The following GPR89B variants were observed in gnomAD, a reference collection of about 807,000 sequenced individuals.
GPR89B encodes the protein golgi pH regulator B.
In GPR89B, 25 loss-of-function variants were observed where a neutral mutation model predicts 52.4. That is an observed-to-expected ratio of 0.48 (90% CI 0.35 to 0.67). The LOEUF is 0.67. Among genes scored for constraint, GPR89B ranks in the 30% least tolerant of loss-of-function variants. GPR89B has a pLI of 0.01. For missense variants in GPR89B, 146 were observed against 450.2 expected, an observed-to-expected ratio of 0.32 and a Z score of 6.11; for synonymous variants, 52 against 151.2, an observed-to-expected ratio of 0.34 and a Z score of 4.81.
chr1:147,950,101 G>T (rs1242500356), intron 5 of GPR89B, among the ~76,000 whole-genome samples: 2 of 151,536 alleles, frequency 1.3e-5, no homozygotes, highest in Admixed American at 6.6e-5. Context: ...CCCGGACGGG[G>T]TGGCTGCCGG....
At chr1:147,936,861 G>T (rs28753955) in intron 2 of GPR89B, among the ~76,000 whole-genome samples, 175 bp downstream of exon 2, 1 of 152,008 alleles carries the variant, frequency 6.6e-6, no homozygotes, top group Non-Finnish European at 1.5e-5. Context: ...TAAAAGGGGG[G>T]AAAAAAGGCA....
intron 7 of GPR89B, among the ~76,000 whole-genome samples, chr1:147,963,262 A>G (rs1656755978): frequency 1.3e-5 from 2 of 150,274 alleles, no homozygotes; most frequent in Admixed American, 6.6e-5. Flanking sequence ...TGTAATCCCA[A>G]CTACTCGGGA....
intron 10 of GPR89B, among the ~76,000 whole-genome samples, chr1:147,983,572 A>C (rs1275383111): frequency 6.6e-6 from 1 of 152,228 alleles, no homozygotes; most frequent in African/African-American, 2.4e-5. Context: ...AAACACAAGA[A>C]AAAATGCTCA....
At chr1:147,981,716 G>C (rs1417457524) in intron 10 of GPR89B, among the ~76,000 whole-genome samples, 1 of 149,642 alleles carries the variant, frequency 6.7e-6, no homozygotes, top group African/African-American at 2.5e-5. Flanking sequence ...GCAGTGGGGT[G>C]ATCTCAGCTC....
chr1:148,009,227 C>G, the GPR89B span: 1,623 of 1,185,806 alleles, frequency 1.4e-3, 16 homozygotes, highest in African/African-American at 0.022. Flanking sequence ...TGCAAGCTAT[C>G]TATAGCAACT....
At chr1:147,938,267 G>A (rs587775646) in intron 2 of GPR89B, among the ~76,000 whole-genome samples, 6 of 152,038 alleles carry the variant, frequency 3.9e-5, no homozygotes, top group Middle Eastern at 3.4e-3. Context: ...CTTTCCCAGG[G>A]AGTTTATTGT....
Position 147,928,672 on chromosome 1 carries a change from G to T in GPR89B, c.42+94G>T, listed in dbSNP as rs587617264. On this transcript the variant is annotated intron_variant, in intron 1 of 13. Transcript: ENST00000314163. ...GCGGTGCGGGCTGGTCCGGGGTCTC[G>T]CTCCTCTCTTACGCGGCCTGCGCCA... The T allele has an allele frequency of 7.3e-4, 1,117 of 1,539,276 alleles. 10 individuals are homozygous for T. The African/African-American group carries it at 0.013, about 18-fold the overall frequency.
chr1:148,005,873 T>G, the GPR89B span, among the ~76,000 whole-genome samples: 1 of 152,036 alleles, frequency 6.6e-6, no homozygotes, highest in Non-Finnish European at 1.5e-5. Flanking sequence ...AATTCCAATG[T>G]ACCAACAAAC....
At chr1:148,010,032 G>T in the GPR89B span, 1 of 147,280 alleles carries the variant, frequency 6.8e-6, no homozygotes, top group Non-Finnish European at 1.4e-5. Context: ...GTTCCATGTA[G>T]TATAACCTCT....
intron 11 of GPR89B, 135 bp downstream of exon 11, chr1:147,986,429 G>A (rs1163775254): frequency 7.0e-5 from 48 of 685,286 alleles, no homozygotes; most frequent in African/African-American, 5.6e-4. Flanking sequence ...ATATTTTGAC[G>A]TATTCACATG....
chr1:148,000,618 C>T, the GPR89B span, among the ~76,000 whole-genome samples: 1 of 149,614 alleles, frequency 6.7e-6, no homozygotes, highest in Non-Finnish European at 1.5e-5. Flanking sequence ...CATATTCCCC[C>T]CTCTGTACCG....
At chr1:147,981,071 C>G (rs1423187858) in intron 10 of GPR89B, among the ~76,000 whole-genome samples, 1 of 151,598 alleles carries the variant, frequency 6.6e-6, no homozygotes, top group Non-Finnish European at 1.5e-5. Flanking sequence ...AGTATATATT[C>G]TTTTTCATAG....
At chr1:148,021,843 A>T in the GPR89B span, 1 of 148,106 alleles carries the variant, frequency 6.8e-6, no homozygotes, top group Non-Finnish European at 1.5e-5. Flanking sequence ...AGGCCTGAGG[A>T]GGACACTCTG....
At chr1:147,976,153 A>G (rs1462943525) in intron 10 of GPR89B, among the ~76,000 whole-genome samples, 1 of 152,142 alleles carries the variant, frequency 6.6e-6, no homozygotes, top group Non-Finnish European at 1.5e-5. Flanking sequence ...AGAGTTCTGT[A>G]GATATCTATC....
the GPR89B span, among the ~76,000 whole-genome samples, chr1:148,019,476 G>T: frequency 1.3e-5 from 2 of 151,874 alleles, no homozygotes; most frequent in East Asian, 3.9e-4. Flanking sequence ...AATGGATGCT[G>T]GGCTTAGTAC....
downstream of GPR89B, among the ~76,000 whole-genome samples, chr1:147,998,272 G>A (rs1659363234): frequency 7.0e-6 from 1 of 143,856 alleles, no homozygotes; most frequent in African/African-American, 2.6e-5. Flanking sequence ...CTGTTTAGCA[G>A]CCTGACTAAA....
intron 7 of GPR89B, among the ~76,000 whole-genome samples, chr1:147,966,312 TAGC>T (rs1216160117): frequency 0.018 from 2,695 of 151,634 alleles, 108 homozygotes; most frequent in African/African-American, 0.053. Flanking sequence ...AGCTTCCAAA[TAGC>T]AGAGCCAGTC....
At chr1:147,980,858 C>T (rs1483008955) in intron 10 of GPR89B, among the ~76,000 whole-genome samples, 2 of 136,394 alleles carry the variant, frequency 1.5e-5, no homozygotes, top group African/African-American at 2.7e-5. Flanking sequence ...AAATTCCATA[C>T]TCATTAGTAG....
intron 10 of GPR89B, among the ~76,000 whole-genome samples, chr1:147,971,277 G>A (rs1223675039): frequency 1.3e-5 from 2 of 150,896 alleles, no homozygotes; most frequent in African/African-American, 4.9e-5. Context: ...AGCCTCCCGA[G>A]TGGCTGGGAT....
Sources: allele counts gnomAD v4.1 joint callset (sites outside exome capture counted in the v4.1 genomes callset), GRCh38; gene constraint gnomAD v4.1.1; transcripts MANE v1.5; gene names NCBI Gene and HGNC (gene_info 2026-07-23, HGNC 2026-07-21).